The following ZNF250 variants were observed in gnomAD, a reference collection of about 807,000 sequenced individuals.
ZNF250 encodes zinc finger protein 250, also known as zinc finger protein (clone 647).
Under a neutral mutation model 37.1 loss-of-function variants are expected in ZNF250, and 13 were observed. The ratio of observed to expected loss-of-function variants is 0.35; its 90% confidence interval spans 0.23 to 0.56. The LOEUF is 0.56. Among genes scored for constraint, ZNF250 ranks in the 20% least tolerant of loss-of-function variants. ZNF250 has a pLI of 0.87. For synonymous variants in ZNF250, 251 were observed against 265.6 expected (o/e 0.94, Z 0.54); for missense variants, 474 against 697.9 (o/e 0.68, Z 3.61).
intron 5 of ZNF250, among the ~76,000 whole-genome samples, chr8:144,884,695 C>A (rs957310387): frequency 6.6e-6 from 1 of 151,928 alleles, no homozygotes; most frequent in Non-Finnish European, 1.5e-5. Flanking sequence ...TTCATGTTTT[C>A]GATTTTTTTT....
At chr8:144,896,957 C>A (rs867356059) in intron 1 of ZNF250, among the ~76,000 whole-genome samples, 1 of 152,210 alleles carries the variant, frequency 6.6e-6, no homozygotes, top group African/African-American at 2.4e-5. Flanking sequence ...GAATTTCAAT[C>A]TTGAAAATTT....
At position 144,897,575 on chromosome 8, in the gene ZNF250, GC is replaced by G. The variant is rs1403020615; in HGVS notation, c.-55+3823del. Among the ~76,000 whole-genome samples, 3 of 152,172 alleles carry G rather than the reference GC, an allele frequency of 2.0e-5. No individual in the cohort carries two copies. The highest frequency in any genetic ancestry group is 2.9e-5 in the Non-Finnish European group (2 of 68,036). On this transcript the variant is annotated intron_variant, in intron 1 of 5. Transcript: ENST00000417550. This position sits in a 1 kb window ranked among gnomAD's most constrained non-coding sequence, Gnocchi z 5.2. ...CACCTGAGGTCAGGTGCTGAGACCA[GC>G]TCGGTCGGGGAGACCCTAACCCAGC...
At position 144,881,382 on chromosome 8, in the gene ZNF250, G is replaced by A; in HGVS notation, c.*133C>T. On this transcript the variant is annotated 3_prime_UTR_variant, in exon 6 of 6. Transcript: ENST00000417550. ...AACAGCACGCTAAGTGCTTCTTTCT[G>A]GAGTTATTTTGTGACACTGAATCGC... 1 of 1,340,396 alleles carries A rather than the reference G, an allele frequency of 7.5e-7. No individual in the cohort carries two copies. The allele number at this position is 1,340,396 out of a possible 1,614,324, so 83.0% of individuals were successfully genotyped here.
Position 144,880,237 on chromosome 8 carries a change from A to T in ZNF250, c.*1278T>A, listed in dbSNP as rs1586882336. ...AAAACCCCTTCAAATATAGGAATAG[A>T]AATACTAGAGATAGTAAAAAAGAGC... On this transcript the variant is annotated 3_prime_UTR_variant, in exon 6 of 6. Coordinates refer to ENST00000417550, the MANE Select transcript of ZNF250 (RefSeq NM_001109689.4). 1 of 262,772 alleles carries T rather than the reference A, an allele frequency of 3.8e-6. No individual in the cohort carries two copies. Among genetic ancestry groups the T allele is most frequent in the East Asian group, 8.3e-5 (1 of 11,994 alleles). The allele number at this position is 262,772 out of a possible 1,614,324, so 16.3% of individuals were successfully genotyped here.
At position 144,890,320 on chromosome 8, in the gene ZNF250, C is replaced by T. The variant is rs113072305; in HGVS notation, c.30G>A (p.Pro10=). ...GGGGACAGCTTACCTGGGGTCCTGC[C>T]GGCACTGGCAGGAGTCTGGCTGCTG... MAAARLLPV[P]AGPQAKLTFE... is the part of the protein sequence containing the mutation. Residue 10 remains proline (P), a synonymous_variant, in exon 2 of 6, where the codon CCG becomes CCA. Coordinates refer to ENST00000417550, the MANE Select transcript of ZNF250 (RefSeq NM_001109689.4). This position sits in a 1 kb window ranked among gnomAD's most constrained non-coding sequence, Gnocchi z 5.1. The T allele has an allele frequency of 4.6e-5, 69 of 1,513,970 alleles. No individual in the cohort carries two copies. In the South Asian group the frequency reaches 6.2e-4, roughly 14 times the overall value. The allele number at this position is 1,513,970 out of a possible 1,614,324, so 93.8% of individuals were successfully genotyped here. A position where few individuals can be genotyped will look rare whatever the true frequency, so the allele number is the denominator to read the frequency against.
At position 144,889,669 on chromosome 8, in the gene ZNF250, T is replaced by G. The variant is rs1248278688; in HGVS notation, c.195A>C (p.Ile65=). The G allele has an allele frequency of 3.1e-6, 5 of 1,613,844 alleles. No homozygotes were observed. In the African/African-American group the frequency reaches 5.3e-5, roughly 17 times the overall value. The stretch of plus-strand genomic sequence containing the variant: ...CTTCCCCTCGCTCCAGCTGGGAGAT[T>G]ATGTCAGGCTTGGATCCTGGAAGTC... ...SLGLPGSKPD[I]ISQLERGEDP... is the part of the protein sequence containing the mutation. The change falls in exon 4 of 6, where the codon ATA becomes ATC. Residue 65 remains isoleucine, a synonymous_variant. Transcript: ENST00000417550.
rs1831376831 is a variant in ZNF250, at chr8:144,880,300, A to G, written c.*1215T>C. ...AGAAATGTATGTTTTAAATATATCT[A>G]CCAAAGAACAGTATTTTCAGCATTG... On this transcript the variant is annotated 3_prime_UTR_variant, in exon 6 of 6. Coordinates refer to ENST00000417550, the MANE Select transcript of ZNF250 (RefSeq NM_001109689.4). 1.1e-5 allele frequency: 4 copies of G among 372,710 alleles called. No homozygotes were observed. Among genetic ancestry groups the G allele is most frequent in the South Asian group, 5.8e-5 (3 of 51,584 alleles). The allele number at this position is 372,710 out of a possible 1,614,324, so 23.1% of individuals were successfully genotyped here.
At chr8:144,884,488 G>A (rs1229954646) in intron 5 of ZNF250, among the ~76,000 whole-genome samples, 3 of 151,744 alleles carry the variant, frequency 2.0e-5, no homozygotes, top group African/African-American at 7.3e-5. Flanking sequence ...TCCTGACTTC[G>A]TGATCTACCC....
chr8:144,886,792 A>G, intron 5 of ZNF250, 48 bp downstream of exon 5: 1 of 1,556,344 alleles, frequency 6.4e-7, no homozygotes, highest in Non-Finnish European at 8.9e-7. Flanking sequence ...ATTAGTGTTA[A>G]CACCTTCAGA....
rs1011683696 is a variant in ZNF250, at chr8:144,881,784, T to C, written c.1399A>G (p.Ile467Val). ...TGGAAGGGCTTTTCACCTGTGTGGA[T>C]TCTCTCATGCTGGATCAGAGACCGG... The part of the protein sequence containing the change: ...ARRSLIQHER[I>V]HTGEKPFQCT... Residue 467 changes from isoleucine to valine, a missense_variant, in exon 6 of 6, where the codon ATC becomes GTC. Around this residue, in one of 2 missense-constraint regions of ZNF250, gnomAD observed 282 missense variants for 470.4 expected, o/e 0.60. Coordinates refer to ENST00000417550, the MANE Select transcript of ZNF250 (RefSeq NM_001109689.4). 3.1e-6 allele frequency: 5 copies of C among 1,613,990 alleles called. No homozygotes were observed. Among genetic ancestry groups the C allele is most frequent in the Non-Finnish European group, 3.4e-6 (4 of 1,180,006 alleles).
In ZNF250 at chr8:144,882,685, A is replaced by G; in HGVS notation, c.498T>C (p.Ser166=). 6.2e-7 allele frequency: 1 copy of G among 1,614,016 alleles called. No homozygotes were observed. The highest frequency in any genetic ancestry group is 2.2e-5 in the East Asian group (1 of 44,880). Residue 166 remains serine, a synonymous_variant, in exon 6 of 6, where the codon TCT becomes TCC. Coordinates refer to ENST00000417550, the MANE Select transcript of ZNF250 (RefSeq NM_001109689.4). This position sits in a 1 kb window ranked among gnomAD's most constrained non-coding sequence, Gnocchi z 5.5. ...TKQSFCLSPN[S]VDHREVQVLS... ...AGACCTGAACTTCACGGTGGTCAAC[A>G]GAGTTTGGACTCAGACAGAAGCTTT...
intron 1 of ZNF250, among the ~76,000 whole-genome samples, chr8:144,894,071 T>G (rs1024711699): frequency 3.3e-5 from 5 of 152,064 alleles, no homozygotes; most frequent in African/African-American, 1.2e-4. Context: ...TCATAGCATC[T>G]CAGACATTTA....
At position 144,882,441 on chromosome 8, in the gene ZNF250, T is replaced by C. The variant is rs1159930737; in HGVS notation, c.742A>G (p.Lys248Glu). The change falls in exon 6 of 6, where the codon AAG becomes GAG. Residue 248 changes from lysine (K) to glutamate (E), a missense_variant. By Grantham distance (56) the Lys-to-Glu change is moderately conservative. Coordinates refer to ENST00000417550, the MANE Select transcript of ZNF250 (RefSeq NM_001109689.4). The surrounding 1 kb of genome is among the most constrained non-coding windows in gnomAD (Gnocchi z 5.5). ...CCACACTCATTACACTCATAGGGCT[T>C]CTCACCTGTGTGAATTCTCCTGTGT... ...SKHRRIHTGE[K>E]PYECNECGKA... 7 of 1,614,044 alleles carry C rather than the reference T, an allele frequency of 4.3e-6. No homozygotes were observed. Among genetic ancestry groups the C allele is most frequent in the Non-Finnish European group, 5.9e-6 (7 of 1,180,036 alleles).
In ZNF250 at chr8:144,878,389, TCA is replaced by T. The variant is rs1361834738; in HGVS notation, c.*3124_*3125del. 1 of 152,208 alleles carries T rather than the reference TCA, an allele frequency of 6.6e-6. No individual in the cohort carries two copies. Among genetic ancestry groups the T allele is most frequent in the Non-Finnish European group, 1.5e-5 (1 of 68,050 alleles). 9.4% of individuals were successfully genotyped at this position (152,208 alleles called of 1,614,324 possible). The stretch of plus-strand genomic sequence containing the variant: ...TGTGATCTCAACTCCAGTGAACAAC[TCA>T]GTTATTTCATCTCCTTTCTAAAGTT... On this transcript the variant is annotated 3_prime_UTR_variant, in exon 6 of 6. Coordinates refer to ENST00000417550, the MANE Select transcript of ZNF250 (RefSeq NM_001109689.4).
At position 144,897,363 on chromosome 8, in the gene ZNF250, G is replaced by A. The variant is rs1221604551; in HGVS notation, c.-55+4036C>T. Among the ~76,000 whole-genome samples the A allele has an allele frequency of 6.6e-6, 1 of 152,238 alleles. No individual in the cohort carries two copies. The highest frequency in any genetic ancestry group is 2.4e-5 in the African/African-American group (1 of 41,458). On this transcript the variant is annotated intron_variant, in intron 1 of 5. Coordinates refer to ENST00000417550, the MANE Select transcript of ZNF250 (RefSeq NM_001109689.4). The surrounding 1 kb of genome is among the most constrained non-coding windows in gnomAD (Gnocchi z 5.2). ...GAGGCAGCTTCTGAGCCACTTGTGA[G>A]CACAAGGCGAAACACTGCTAAACTT...
At position 144,879,927 on chromosome 8, in the gene ZNF250, G is replaced by T. The variant is rs1431772472; in HGVS notation, c.*1588C>A. On this transcript the variant is annotated 3_prime_UTR_variant, in exon 6 of 6. Transcript: ENST00000417550. ...CTAAAAATACGAAAATTAGTCGGGC[G>T]TGGTAGCAGGTGCCTGTAATTCCAG... 2 of 152,668 alleles carry T rather than the reference G, an allele frequency of 1.3e-5. No individual in the cohort carries two copies. The highest frequency in any genetic ancestry group is 2.9e-5 in the Non-Finnish European group (2 of 68,400). The allele number at this position is 152,668 out of a possible 1,614,324, so 9.5% of individuals were successfully genotyped here. A position where few individuals can be genotyped will look rare whatever the true frequency, so the allele number is the denominator to read the frequency against.
In ZNF250 at chr8:144,877,801, A is replaced by G. The variant is rs1022719718; in HGVS notation, c.*3714T>C. On this transcript the variant is annotated 3_prime_UTR_variant, in exon 6 of 6. Transcript: ENST00000417550. The stretch of plus-strand genomic sequence containing the variant: ...TATACTTTTTGGAAGGATTTCCCTG[A>G]AAACCCTAGGTTATTGGAATCCAGA... 2 of 152,380 alleles carry G rather than the reference A, an allele frequency of 1.3e-5. No individual in the cohort carries two copies. Among genetic ancestry groups the G allele is most frequent in the African/African-American group, 4.8e-5 (2 of 41,588 alleles). The allele number at this position is 152,380 out of a possible 1,614,324, so 9.4% of individuals were successfully genotyped here. A position where few individuals can be genotyped will look rare whatever the true frequency, so the allele number is the denominator to read the frequency against.
rs537048090 is a variant in ZNF250 at position 144,891,725 on chromosome 8, G to A, written c.-54-1322C>T. Among the ~76,000 whole-genome samples the A allele has an allele frequency of 4.1e-4, 63 of 152,296 alleles. No homozygotes were observed. Among genetic ancestry groups the A allele is most frequent in the African/African-American group, 1.5e-3 (62 of 41,572 alleles). ...AAATTAGCCGGGTGTGGTGGTGCAC[G>A]CCTGTAGTCCCAGCTACTCAGGAGG... On this transcript the variant is annotated intron_variant, in intron 1 of 5. Transcript: ENST00000417550. This position sits in a 1 kb window ranked among gnomAD's most constrained non-coding sequence, Gnocchi z 4.0.
chr8:144,886,859 G>C lies in ZNF250; in HGVS notation c.327C>G (p.Asp109Glu). ...YDHTTACTQQ[D>E]SLSCPWECET... ...ACTTACCCCATGGACAAGATAAACT[G>C]TCTTGTTGTGTACAGGCTGTAGTGT... Residue 109 changes from aspartate (D) to glutamate (E), a missense_variant, in exon 5 of 6, where the codon GAC becomes GAG. Asp to Glu is a conservative substitution (Grantham distance 45). This residue lies in a region of ZNF250 where 192 missense variants were observed against 227.5 expected (regional missense o/e 0.84). Transcript: ENST00000417550. 1.2e-6 allele frequency: 2 copies of C among 1,613,314 alleles called. No individual in the cohort carries two copies. The highest frequency in any genetic ancestry group is 1.7e-6 in the Non-Finnish European group (2 of 1,179,554).
Sources: allele counts gnomAD v4.1 joint callset (sites outside exome capture counted in the v4.1 genomes callset), GRCh38; gene constraint gnomAD v4.1.1; regional missense constraint gnomAD v4.1.1; non-coding constraint Gnocchi (gnomAD v3.1); transcripts MANE v1.5; gene names NCBI Gene and HGNC (gene_info 2026-07-23, HGNC 2026-07-21).